Variants in KCND2 observed in about 807,000 individuals in gnomAD.
KCND2 encodes the protein A-type voltage-gated potassium channel KCND2.
A neutral mutation model predicts 54.4 loss-of-function variants in KCND2; 16 were observed. The ratio of observed to expected loss-of-function variants is 0.29; its 90% CI spans 0.20 to 0.45. KCND2 has a LOEUF of 0.45. Ranked by LOEUF, KCND2 falls within the 20% of genes least tolerant of loss-of-function variation. KCND2 has a pLI of 1.00. For synonymous variants in KCND2, 317 were observed against 310.7 expected, an observed-to-expected ratio of 1.02 and a Z score of -0.21; for missense variants, 486 against 824.2, an observed-to-expected ratio of 0.59 and a Z score of 5.02.
At chr7:120,280,249 A>G (rs1363276626) in intron 1 of KCND2, among the ~76,000 whole-genome samples, 1 of 152,076 alleles carries the variant, frequency 6.6e-6, no homozygotes, top group Non-Finnish European at 1.5e-5. Flanking sequence ...TTCCTCTTTT[A>G]GCCTTACAAG....
At chr7:120,302,749 A>G (rs569924891) in intron 1 of KCND2, among the ~76,000 whole-genome samples, 1 of 152,288 alleles carries the variant, frequency 6.6e-6, no homozygotes, top group South Asian at 2.1e-4. Context: ...TTAAAAACAT[A>G]TTTCTGAAAG....
At chr7:120,720,177 A>T (rs1186877712) in intron 1 of KCND2, among the ~76,000 whole-genome samples, 1 of 152,098 alleles carries the variant, frequency 6.6e-6, no homozygotes, top group African/African-American at 2.4e-5. Flanking sequence ...CTTAGTTTTT[A>T]ACATAATAAG....
At chr7:120,742,429 C>T (rs1792953383) in intron 3 of KCND2, 81 bp from the exon 4 acceptor site, 1 of 1,091,826 alleles carries the variant, frequency 9.2e-7, no homozygotes. Context: ...TAGAGCAGAT[C>T]TCTCTGTGGA....
intron 1 of KCND2, among the ~76,000 whole-genome samples, chr7:120,696,541 T>A (rs1792334471): frequency 6.6e-6 from 1 of 152,218 alleles, no homozygotes; most frequent in African/African-American, 2.4e-5. Flanking sequence ...TTCTCCAAAG[T>A]TCATATGCTG....
intron 1 of KCND2, chr7:120,672,987 GAAA>G (rs1792012550): frequency 6.7e-6 from 1 of 149,868 alleles, no homozygotes; most frequent in African/African-American, 2.5e-5. Context: ...GACAGAGAAA[GAAA>G]GAGAGAGAGA....
intron 1 of KCND2, among the ~76,000 whole-genome samples, chr7:120,722,466 T>C (rs902131853): frequency 6.6e-6 from 1 of 152,232 alleles, no homozygotes; most frequent in Non-Finnish European, 1.5e-5. Flanking sequence ...AGCCTAATTC[T>C]CTGCCACAAT....
At chr7:120,682,151 C>T (rs1792147641) in intron 1 of KCND2, among the ~76,000 whole-genome samples, 1 of 151,994 alleles carries the variant, frequency 6.6e-6, no homozygotes, top group South Asian at 2.1e-4. Flanking sequence ...AAACTTCCCT[C>T]ATTTTCTTTT....
At chr7:120,325,594 G>A (rs1305417462) in intron 1 of KCND2, among the ~76,000 whole-genome samples, 1 of 151,624 alleles carries the variant, frequency 6.6e-6, no homozygotes, top group African/African-American at 2.4e-5. Context: ...TTTATATGCT[G>A]GATTACATTT....
chr7:120,432,807 A>G, intron 1 of KCND2, among the ~76,000 whole-genome samples: 1 of 152,112 alleles, frequency 6.6e-6, no homozygotes, highest in South Asian at 2.1e-4. Context: ...TCTGTCCACT[A>G]GAGAATTATT....
At chr7:120,510,436 A>G (rs937277924) in intron 1 of KCND2, among the ~76,000 whole-genome samples, 2 of 152,090 alleles carry the variant, frequency 1.3e-5, no homozygotes, top group African/African-American at 2.4e-5. Context: ...AATCTTGTCA[A>G]TCCAATGAAG....
At chr7:120,351,229 T>C (rs1584742211) in intron 1 of KCND2, among the ~76,000 whole-genome samples, 2 of 91,014 alleles carry the variant, frequency 2.2e-5, no homozygotes, top group South Asian at 9.9e-4. Flanking sequence ...CATCATATTA[T>C]ATATTTATAT....
intron 1 of KCND2, among the ~76,000 whole-genome samples, chr7:120,535,963 C>A (rs1474101711): frequency 6.6e-6 from 1 of 152,022 alleles, no homozygotes; most frequent in East Asian, 1.9e-4. Flanking sequence ...TAATTTTGGT[C>A]TTTTATTCAG....
intron 1 of KCND2, among the ~76,000 whole-genome samples, chr7:120,673,958 G>A (rs967271566): frequency 7.3e-5 from 11 of 150,450 alleles, no homozygotes; most frequent in African/African-American, 2.7e-4. Flanking sequence ...AGGCTGGAGT[G>A]CAGTGATGTG....
At chr7:120,731,633 ACC>A (rs1343186417) in intron 1 of KCND2, among the ~76,000 whole-genome samples, 11 of 152,206 alleles carry the variant, frequency 7.2e-5, no homozygotes, top group Non-Finnish European at 1.6e-4. Context: ...CATTTTTAAA[ACC>A]AAAGTTCTGG....
chr7:120,401,285 C>G (rs1801248894), intron 1 of KCND2, among the ~76,000 whole-genome samples: 1 of 152,040 alleles, frequency 6.6e-6, no homozygotes, highest in South Asian at 2.1e-4. Flanking sequence ...TCAAGACAAA[C>G]CTGTCTTTTT....
intron 1 of KCND2, among the ~76,000 whole-genome samples, chr7:120,291,372 C>T (rs1279091503): frequency 6.6e-6 from 1 of 151,842 alleles, no homozygotes; most frequent in East Asian, 1.9e-4. Flanking sequence ...TAGTACTGTA[C>T]TCTGTAACTA....
At chr7:120,652,603 C>T (rs1285255252) in intron 1 of KCND2, among the ~76,000 whole-genome samples, 2 of 152,176 alleles carry the variant, frequency 1.3e-5, no homozygotes, top group Admixed American at 6.5e-5. Context: ...CTTGTGTGGT[C>T]CCAGAGAAGA....
chr7:120,431,252 C>T (rs1049312778), intron 1 of KCND2, among the ~76,000 whole-genome samples: 4 of 152,160 alleles, frequency 2.6e-5, no homozygotes, highest in African/African-American at 4.8e-5. Context: ...ATTAGTAATA[C>T]CTACCTTTTT....
At chr7:120,686,599 G>A (rs985529579) in intron 1 of KCND2, among the ~76,000 whole-genome samples, 12 of 152,258 alleles carry the variant, frequency 7.9e-5, no homozygotes, top group African/African-American at 2.6e-4. Context: ...ACGTGGAAGA[G>A]AGCAAAGTGG....
Sources: gnomAD v4.1 joint callset for allele counts (sites outside exome capture counted in the v4.1 genomes callset) on GRCh38, gnomAD v4.1.1 for gene constraint, MANE v1.5 for transcripts, NCBI Gene and HGNC (gene_info 2026-07-23, HGNC 2026-07-21) for gene names.